Variants in TJP3 observed in about 807,000 individuals in gnomAD.
The protein encoded by TJP3 is tight junction protein 3.
A neutral mutation model predicts 104.2 loss-of-function variants in TJP3; 85 were observed. The ratio of observed to expected loss-of-function variants is 0.82; its 90% CI spans 0.68 to 0.98. TJP3 has a LOEUF of 0.98. TJP3 is among the 50% of genes least tolerant of loss of function. The pLI, the probability that TJP3 is intolerant of heterozygous loss-of-function variation, is 0.00. For missense variants in TJP3, 1,367 were observed against 1,322.8 expected, an observed-to-expected ratio of 1.03 and a Z score of -0.52; for synonymous variants, 550 against 550.6, an observed-to-expected ratio of 1.00 and a Z score of 0.02.
rs570389483 is a variant in TJP3, at chr19:3,750,779, G to T, written c.*95G>T. ...AGAACCCACAACCTTACCTCCCTCC[G>T]CCTGGTCTTTAATAAACAGAGTATT... On this transcript the variant is annotated 3_prime_UTR_variant, in exon 21 of 21. Transcript: ENST00000541714. 3.5e-6 allele frequency: 4 copies of T among 1,143,652 alleles called. No homozygotes were observed. Among genetic ancestry groups the T allele is most frequent in the Non-Finnish European group, 5.1e-6 (4 of 784,966 alleles). 70.8% of individuals were successfully genotyped at this position (1,143,652 alleles called of 1,614,324 possible).
In TJP3 at chr19:3,736,354, TCATGGGCGTG is replaced by T. The variant is rs1310997854; in HGVS notation, c.1284+36_1284+45del. The T allele has an allele frequency of 2.3e-5, 34 of 1,501,260 alleles. No homozygotes were observed. In the South Asian group the frequency reaches 4.5e-4, roughly 20 times the overall value. 93.0% of individuals were successfully genotyped at this position (1,501,260 alleles called of 1,614,324 possible). A position where few individuals can be genotyped will look rare whatever the true frequency, so the allele number is the denominator to read the frequency against. ...GGGGGCGGCTGGCCAGCCCCACTGA[TCATGGGCGTG>T]CAGTGTGCTAGGTCCTGCCCTTGTC... On this transcript the variant is annotated intron_variant, in intron 11 of 20. Coordinates refer to ENST00000541714, the MANE Select transcript of TJP3 (RefSeq NM_001267560.2).
At chr19:3,748,132 C>T (rs1232739618) in intron 19 of TJP3, 51 bp downstream of exon 19, 4 of 1,487,644 alleles carry the variant, frequency 2.7e-6, no homozygotes, top group East Asian at 2.5e-5. Context: ...GAGGGGATGC[C>T]AGCACAGAGC....
intron 1 of TJP3, among the ~76,000 whole-genome samples, chr19:3,715,524 G>A (rs1379748704): frequency 1.3e-5 from 2 of 152,184 alleles, no homozygotes; most frequent in Non-Finnish European, 2.9e-5. Context: ...GCCATCGAGT[G>A]TTCTTGAGCA....
chr19:3,728,793 C>A, intron 3 of TJP3, 80 bp downstream of exon 3: 4 of 1,465,180 alleles, frequency 2.7e-6, no homozygotes, highest in Non-Finnish European at 3.8e-6. Flanking sequence ...TGACTCACAC[C>A]CGTCATCCCA....
At chr19:3,718,070 C>T (rs1268183681) in intron 1 of TJP3, among the ~76,000 whole-genome samples, 5 of 151,354 alleles carry the variant, frequency 3.3e-5, no homozygotes, top group East Asian at 2.0e-4. Flanking sequence ...AAAAATCAGC[C>T]GGGCATGTGC....
chr19:3,719,838 A>G, intron 1 of TJP3, among the ~76,000 whole-genome samples: 1 of 152,076 alleles, frequency 6.6e-6, no homozygotes. Context: ...CGGAAGTCAC[A>G]AAGGGATTGA....
rs536613513 is a variant in TJP3 at position 3,738,507 on chromosome 19, C to T, written c.1285-48C>T. 93 of 1,541,342 alleles carry T rather than the reference C, an allele frequency of 6.0e-5. 2 individuals are homozygous for T. The South Asian group carries it at 9.8e-4, about 16-fold the overall frequency. ...GGAAGGTCCAGGATCTCATGCACGC[C>T]CAAGAGGTACCAGAGCTTTTTCTAT... On this transcript the variant is annotated intron_variant, in intron 11 of 20. Coordinates refer to ENST00000541714, the MANE Select transcript of TJP3 (RefSeq NM_001267560.2).
Position 3,734,399 on chromosome 19 carries a change from A to T in TJP3, c.950A>T (p.Gln317Leu), listed in dbSNP as rs1599155197. 7 of 1,612,624 alleles carry T rather than the reference A, an allele frequency of 4.3e-6. No homozygotes were observed. The African/African-American group carries it at 6.7e-5, about 15-fold the overall frequency. Residue 317 changes from glutamine (Q) to leucine (L), a missense_variant, in exon 8 of 21, where the codon CAG becomes CTG. Coordinates refer to ENST00000541714, the MANE Select transcript of TJP3 (RefSeq NM_001267560.2). ...SHIPPPPRHA[Q>L]RSPEASQTDS... ...ATCCCACCACCACCCCGGCATGCTC[A>T]GCGGAGCCCCGAGGCCAGCCAGACC...
At chr19:3,741,896 G>A (rs1192901929) in intron 14 of TJP3, among the ~76,000 whole-genome samples, 3 of 152,010 alleles carry the variant, frequency 2.0e-5, no homozygotes, top group Non-Finnish European at 4.4e-5. Flanking sequence ...CTTGAACCCG[G>A]GAGGCAGAGG....
At chr19:3,745,089 GAAAAAAGAATTTTTTTAATTA>G (rs1568387788) in intron 15 of TJP3, among the ~76,000 whole-genome samples, 1 of 120,424 alleles carries the variant, frequency 8.3e-6, no homozygotes, top group African/African-American at 3.2e-5. Flanking sequence ...TTCTATAAAA[GAAAAAAGAATTTTTTTAATTA>G]AAAAAAGATG....
rs571353377 is a variant in TJP3, at chr19:3,747,955, G to A, written c.2484G>A (p.Gly828=). ...AGGGCTACACAGACGGCGAGGGGGG[G>A]CCCTACACGGATGTGGATGATGAGC... ...DGEGYTDGEG[G]PYTDVDDEPP... The change falls in exon 19 of 21, where the codon GGG becomes GGA. Residue 828 remains glycine, a synonymous_variant. Transcript: ENST00000541714. The A allele has an allele frequency of 4.3e-6, 7 of 1,612,964 alleles. No homozygotes were observed. In the South Asian group the frequency reaches 6.6e-5, roughly 15 times the overall value.
Position 3,750,449 on chromosome 19 carries a change from C to A in TJP3, c.2658-133C>A, listed in dbSNP as rs1432195592. 3.6e-6 allele frequency: 3 copies of A among 826,172 alleles called. No homozygotes were observed. The African/African-American group carries it at 5.1e-5, about 14-fold the overall frequency. The allele number at this position is 826,172 out of a possible 1,614,324, so 51.2% of individuals were successfully genotyped here. A position where few individuals can be genotyped will look rare whatever the true frequency, so the allele number is the denominator to read the frequency against. ...GATGCATAGGAGTTTGTTAACAAGG[C>A]CCTACCCATGAATGCCCAGATGTGC... On this transcript the variant is annotated intron_variant, in intron 20 of 20. Transcript: ENST00000541714.
At position 3,730,495 on chromosome 19, in the gene TJP3, A is replaced by G; in HGVS notation, c.402A>G (p.Ser134=). The change falls in exon 5 of 21, where the codon TCA becomes TCG. Residue 134 remains serine, a synonymous_variant. Coordinates refer to ENST00000541714, the MANE Select transcript of TJP3 (RefSeq NM_001267560.2). This position sits in a 1 kb window ranked among gnomAD's most constrained non-coding sequence, Gnocchi z 7.3. ...VDQGRGYDGD[S]SSGSGRSWDE... is the part of the protein sequence containing the mutation. ...AGGGCCGGGGCTATGACGGCGACTC[A>G]TCCAGTGGCTCCGGCCGCTCCTGGG... The G allele has an allele frequency of 6.3e-7, 1 of 1,587,898 alleles. No homozygotes were observed. Among genetic ancestry groups the G allele is most frequent in the Non-Finnish European group, 8.6e-7 (1 of 1,167,944 alleles).
chr19:3,735,630 C>T lies in TJP3; in HGVS notation c.1051C>T (p.Gln351Ter). 3 of 1,614,182 alleles carry T rather than the reference C, an allele frequency of 1.9e-6. No homozygotes were observed. The highest frequency in any genetic ancestry group is 1.7e-6 in the Non-Finnish European group (2 of 1,180,044). The change falls in exon 9 of 21, where the codon CAA becomes TAA. Residue 351 changes from glutamine (Q) to a stop codon, truncating the protein, a stop_gained. Transcript: ENST00000541714. LOFTEE classifies it high-confidence loss of function. ...DSRTISEPDE[Q>*]RSELPRESSY... ...CAGAACCATCTCGGAACCAGATGAG[C>T]AACGGTCAGGTGGGTGGTGACTCTG... is the stretch of plus-strand genomic sequence containing the variant.
chr19:3,745,809 G>A lies in TJP3; in HGVS notation c.1940-202G>A, dbSNP rs118124318. 3.1e-3 allele frequency among the ~76,000 whole-genome samples: 468 copies of A among 152,340 alleles called. 5 individuals are homozygous for A. In the East Asian group the frequency reaches 0.064, roughly 21 times the overall value. On this transcript the variant is annotated intron_variant, in intron 15 of 20. Transcript: ENST00000541714. ...GTACCAGCCACCCACTCCTCAGGAG[G>A]AGGAGGGGGCTGAGGTCAGGAGGGG...
chr19:3,729,781 C>CAAAAAAAAAAAAA (rs35091592), intron 3 of TJP3, among the ~76,000 whole-genome samples: 1 of 120,590 alleles, frequency 8.3e-6, no homozygotes. Context: ...GACTCTGTCT[C>CAAAAAAAAAAAAA]AAAAAAAAAA....
chr19:3,741,732 G>T (rs1475003753), intron 14 of TJP3, among the ~76,000 whole-genome samples: 2 of 151,212 alleles, frequency 1.3e-5, no homozygotes, highest in Admixed American at 6.6e-5. Flanking sequence ...GGTTTGGGAG[G>T]CTGAGGCAGG....
intron 1 of TJP3, among the ~76,000 whole-genome samples, chr19:3,710,956 T>C (rs1018883509): frequency 2.0e-5 from 3 of 151,960 alleles, no homozygotes; most frequent in African/African-American, 7.2e-5. Flanking sequence ...CAGGCTGGAG[T>C]GCGGTGGCGC....
At chr19:3,731,424 G>A (rs2036669256) in intron 5 of TJP3, among the ~76,000 whole-genome samples, 1 of 152,144 alleles carries the variant, frequency 6.6e-6, no homozygotes, top group Non-Finnish European at 1.5e-5. Context: ...CTTGAGGCCA[G>A]TAGTTCTAGA....
Sources: gnomAD v4.1 joint callset for allele counts (sites outside exome capture counted in the v4.1 genomes callset) on GRCh38, gnomAD v4.1.1 for gene constraint, Gnocchi (gnomAD v3.1) non-coding constraint, MANE v1.5 for transcripts, NCBI Gene and HGNC (gene_info 2026-07-23, HGNC 2026-07-21) for gene names.